Variants in MGAT4C observed in about 807,000 individuals in gnomAD.
The protein encoded by MGAT4C is alpha-1,3-mannosyl-glycoprotein 4-beta-N-acetylglucosaminyltransferase C.
A neutral mutation model predicts 40.1 loss-of-function variants in MGAT4C; 19 were observed. The ratio of observed to expected loss-of-function variants is 0.47; its 90% CI spans 0.33 to 0.70. The LOEUF (loss-of-function observed/expected upper bound fraction) is 0.70. Ranked by LOEUF, MGAT4C falls within the 30% of genes least tolerant of loss-of-function variation. The probability of loss-of-function intolerance (pLI) is 0.02; values close to 1 mark genes in which losing one functional copy is unlikely to be tolerated. For missense variants in MGAT4C, 491 were observed against 563.2 expected, an observed-to-expected ratio of 0.87 and a Z score of 1.30; for synonymous variants, 181 against 187.1, an observed-to-expected ratio of 0.97 and a Z score of 0.27.
At chr12:86,660,670 T>C (rs1385101296) in intron 2 of MGAT4C, among the ~76,000 whole-genome samples, 1 of 152,164 alleles carries the variant, frequency 6.6e-6, no homozygotes, top group Admixed American at 6.5e-5. Context: ...ACAGGTACCC[T>C]AGAGGACACT....
At chr12:86,832,285 T>G (rs1952944157) in intron 1 of MGAT4C, among the ~76,000 whole-genome samples, 1 of 151,856 alleles carries the variant, frequency 6.6e-6, no homozygotes, top group South Asian at 2.1e-4. Flanking sequence ...TTTGGCTTAT[T>G]CATTATTTCT....
intron 1 of MGAT4C, among the ~76,000 whole-genome samples, chr12:86,139,484 ATATGT>A (rs1358290612): frequency 6.6e-6 from 1 of 152,060 alleles, no homozygotes; most frequent in African/African-American, 2.4e-5. Flanking sequence ...TTATCTTCAT[ATATGT>A]TATATGAATC....
chr12:86,135,452 G>A (rs1175628649), intron 1 of MGAT4C, among the ~76,000 whole-genome samples: 2 of 152,046 alleles, frequency 1.3e-5, no homozygotes, highest in African/African-American at 4.8e-5. Context: ...GAGAGTATGT[G>A]CGTGATCTTA....
chr12:86,418,220 C>A (rs1956755296), intron 3 of MGAT4C, among the ~76,000 whole-genome samples: 1 of 152,040 alleles, frequency 6.6e-6, no homozygotes, highest in Admixed American at 6.6e-5. Flanking sequence ...ATTGAATGAT[C>A]AGAGCATATG....
At chr12:86,235,704 T>A (rs1951504976) in intron 1 of MGAT4C, among the ~76,000 whole-genome samples, 1 of 152,068 alleles carries the variant, frequency 6.6e-6, no homozygotes, top group Admixed American at 6.6e-5. Flanking sequence ...TGGAGTATTT[T>A]CTCCACACAC....
chr12:86,538,547 C>A (rs892288589), intron 2 of MGAT4C, among the ~76,000 whole-genome samples: 5 of 151,064 alleles, frequency 3.3e-5, no homozygotes, highest in African/African-American at 9.7e-5. Flanking sequence ...AACTCATATT[C>A]TTTTACTGAT....
At chr12:86,666,520 T>C (rs778786101) in intron 2 of MGAT4C, among the ~76,000 whole-genome samples, 4 of 152,138 alleles carry the variant, frequency 2.6e-5, no homozygotes, top group Non-Finnish European at 4.4e-5. Flanking sequence ...AGGATCTAAG[T>C]TTGCTGAGAA....
intron 2 of MGAT4C, among the ~76,000 whole-genome samples, chr12:86,547,151 T>A (rs1171581179): frequency 6.6e-6 from 1 of 152,008 alleles, no homozygotes; most frequent in Non-Finnish European, 1.5e-5. Context: ...AGGGTTAATG[T>A]TTTCTGTAAA....
intron 1 of MGAT4C, among the ~76,000 whole-genome samples, chr12:86,198,229 C>T (rs1949898550): frequency 6.6e-6 from 1 of 152,172 alleles, no homozygotes; most frequent in Non-Finnish European, 1.5e-5. Context: ...AGTAGATGTA[C>T]ATATACATAA....
At chr12:86,273,900 ATTAGACCGTTC>A (rs1953007643) in intron 4 of MGAT4C, among the ~76,000 whole-genome samples, 1 of 152,212 alleles carries the variant, frequency 6.6e-6, no homozygotes, top group Non-Finnish European at 1.5e-5. Context: ...TGCACCTTGT[ATTAGACCGTTC>A]TGGCATTGCT....
chr12:86,339,128 T>G (rs1954853046), intron 3 of MGAT4C, among the ~76,000 whole-genome samples: 2 of 152,118 alleles, frequency 1.3e-5, no homozygotes, highest in Admixed American at 6.5e-5. Context: ...TTATCCCTAT[T>G]GTACAGATGA....
intron 1 of MGAT4C, among the ~76,000 whole-genome samples, chr12:86,782,172 T>TA (rs1491559023): frequency 3.2e-4 from 5 of 15,736 alleles, no homozygotes; most frequent in Non-Finnish European, 6.0e-4. Context: ...GTTTTTTGTA[T>TA]TTTTTTTTTT....
intron 1 of MGAT4C, among the ~76,000 whole-genome samples, chr12:86,203,701 T>C (rs1013714720): frequency 3.9e-5 from 6 of 152,112 alleles, no homozygotes; most frequent in African/African-American, 1.4e-4. Context: ...CTCACGCTTG[T>C]AATCCCAGCA....
At chr12:86,570,047 T>A (rs139497341) in intron 2 of MGAT4C, among the ~76,000 whole-genome samples, 1 of 152,176 alleles carries the variant, frequency 6.6e-6, no homozygotes, top group African/African-American at 2.4e-5. Context: ...AAGTTGAGGG[T>A]GCAAGCAAAG....
At chr12:86,199,645 T>C (rs1240711193) in intron 1 of MGAT4C, among the ~76,000 whole-genome samples, 2 of 152,140 alleles carry the variant, frequency 1.3e-5, no homozygotes, top group Non-Finnish European at 2.9e-5. Flanking sequence ...TTCTGGTCTA[T>C]GAAATCATAT....
rs998319136 is a variant in MGAT4C at position 86,464,887 on chromosome 12, G to A, written c.-228-29622C>T. 5.3e-5 allele frequency among the ~76,000 whole-genome samples: 8 copies of A among 151,990 alleles called. No individual in the cohort carries two copies. In the East Asian group the frequency reaches 7.7e-4, roughly 15 times the overall value. On this transcript the variant is annotated intron_variant, in intron 2 of 7. Coordinates refer to the MGAT4C transcript ENST00000548651. ...ATGTAAGAGTTCATTATTCATATAT[G>A]AATAATGCATTATATTTATATGATA...
intron 1 of MGAT4C, among the ~76,000 whole-genome samples, chr12:86,835,112 A>G (rs569181094): frequency 5.9e-4 from 87 of 148,690 alleles, no homozygotes; most frequent in Non-Finnish European, 1.1e-3. Context: ...GTAAAGACAG[A>G]CATGTGTTAT....
intron 2 of MGAT4C, among the ~76,000 whole-genome samples, chr12:86,682,723 C>T (rs1421867440): frequency 1.3e-5 from 2 of 152,012 alleles, no homozygotes; most frequent in East Asian, 3.8e-4. Flanking sequence ...TTGCAGACAC[C>T]ACAGAGAATA....
intron 3 of MGAT4C, among the ~76,000 whole-genome samples, chr12:86,434,933 C>A (rs1482780868): frequency 6.6e-6 from 1 of 151,784 alleles, no homozygotes; most frequent in African/African-American, 2.4e-5. Flanking sequence ...TTAAGACTTC[C>A]CTATGTCCAA....
Sources: allele counts gnomAD v4.1 joint callset (sites outside exome capture counted in the v4.1 genomes callset), GRCh38; gene constraint gnomAD v4.1.1; transcripts MANE v1.5; gene names NCBI Gene and HGNC (gene_info 2026-07-23, HGNC 2026-07-21).